Variants in SNX29 observed in about 807,000 individuals in gnomAD.
SNX29 encodes sorting nexin 29, also known as sorting nexin-29.
A neutral mutation model predicts 102.1 loss-of-function variants in SNX29; 78 were observed. The ratio of observed to expected loss-of-function variants is 0.76; its 90% CI spans 0.64 to 0.92. SNX29 has a LOEUF of 0.92. Among genes scored for constraint, SNX29 ranks in the 40% least tolerant of loss-of-function variants. The pLI, the probability that SNX29 is intolerant of heterozygous loss-of-function variation, is 0.00. For synonymous variants in SNX29, 580 were observed against 414.5 expected (o/e 1.40, Z -4.85); for missense variants, 1,280 against 1,061.7 (o/e 1.21, Z -2.86).
At chr16:12,335,250 G>C (rs1263164007) in intron 15 of SNX29, among the ~76,000 whole-genome samples, 1 of 151,996 alleles carries the variant, frequency 6.6e-6, no homozygotes, top group African/African-American at 2.4e-5. Flanking sequence ...AGGGAGGTAG[G>C]GGGAGGAGTC....
chr16:12,412,413 GAA>G (rs1425821838), intron 18 of SNX29, among the ~76,000 whole-genome samples: 1 of 152,188 alleles, frequency 6.6e-6, no homozygotes, highest in African/African-American at 2.4e-5. Context: ...CATGTTTCCT[GAA>G]AGGAATTCTG....
intron 19 of SNX29, among the ~76,000 whole-genome samples, chr16:12,514,361 C>T (rs536824063): frequency 1.3e-5 from 2 of 152,264 alleles, no homozygotes; most frequent in Admixed American, 6.5e-5. Flanking sequence ...TGTGGTCCCC[C>T]TAAGCTACTG....
chr16:12,558,160 T>A (rs1053189299), intron 20 of SNX29, among the ~76,000 whole-genome samples: 1 of 152,156 alleles, frequency 6.6e-6, no homozygotes, highest in Non-Finnish European at 1.5e-5. Flanking sequence ...CTTAGCAAGT[T>A]AGGCGTAATG....
At chr16:12,153,960 G>A (rs12597440) in intron 13 of SNX29, among the ~76,000 whole-genome samples, 28,000 of 152,146 alleles carry the variant, frequency 0.18, 2,956 homozygotes, top group Non-Finnish European at 0.24. Flanking sequence ...TTATGGAGAC[G>A]GTGTCCTCCC....
chr16:12,564,738 C>A (rs562090344), intron 20 of SNX29, among the ~76,000 whole-genome samples: 1 of 152,038 alleles, frequency 6.6e-6, no homozygotes, highest in East Asian at 1.9e-4. Flanking sequence ...GCAGTTGTGC[C>A]TAACAACTGT....
chr16:12,221,834 T>C (rs2077486618), intron 14 of SNX29, among the ~76,000 whole-genome samples: 1 of 152,168 alleles, frequency 6.6e-6, no homozygotes, highest in Non-Finnish European at 1.5e-5. Context: ...CAACTGCCTC[T>C]TCCCCGCATG....
chr16:12,336,831 A>C (rs1280398761), intron 15 of SNX29, among the ~76,000 whole-genome samples: 1 of 152,236 alleles, frequency 6.6e-6, no homozygotes, highest in Non-Finnish European at 1.5e-5. Context: ...CTGTAATCCC[A>C]GCTACGCAGA....
intron 3 of SNX29, among the ~76,000 whole-genome samples, chr16:12,013,500 A>AAAAAAAAAAAATATATAT: frequency 1.6e-4 from 5 of 31,624 alleles, no homozygotes; most frequent in African/African-American, 2.0e-4. Flanking sequence ...AAAAAAAAAA[A>AAAAAAAAAAAATATATAT]ATATATATAT....
chr16:12,378,214 G>C (rs2082946925), intron 16 of SNX29, among the ~76,000 whole-genome samples: 1 of 152,150 alleles, frequency 6.6e-6, no homozygotes, highest in African/African-American at 2.4e-5. Flanking sequence ...GTTCAAGATT[G>C]GGTATCTGCA....
chr16:12,021,774 C>T (rs748469092), intron 3 of SNX29, among the ~76,000 whole-genome samples: 1 of 151,918 alleles, frequency 6.6e-6, no homozygotes, highest in African/African-American at 2.4e-5. Flanking sequence ...TGGCTGTAAT[C>T]CCAGCTACTC....
intron 13 of SNX29, among the ~76,000 whole-genome samples, chr16:12,139,837 G>A (rs186413274): frequency 1.3e-5 from 2 of 151,752 alleles, no homozygotes; most frequent in African/African-American, 2.4e-5. Flanking sequence ...AAAAATTAGC[G>A]GTGCGTGGTG....
chr16:12,174,000 G>T (rs547235214), intron 13 of SNX29, among the ~76,000 whole-genome samples: 1 of 152,172 alleles, frequency 6.6e-6, no homozygotes, highest in Non-Finnish European at 1.5e-5. Flanking sequence ...GGCTGGTTTC[G>T]AAATCTTGAC....
chr16:12,183,434 TCA>T (rs1172455130), intron 13 of SNX29, among the ~76,000 whole-genome samples: 1 of 152,150 alleles, frequency 6.6e-6, no homozygotes, highest in Non-Finnish European at 1.5e-5. Context: ...TGCATATTTC[TCA>T]GTGTTTTTCT....
At chr16:12,252,528 G>A (rs990908637) in intron 14 of SNX29, among the ~76,000 whole-genome samples, 1 of 152,224 alleles carries the variant, frequency 6.6e-6, no homozygotes, top group Non-Finnish European at 1.5e-5. Flanking sequence ...CGTAGGAAGT[G>A]CTTGCTGAAA....
intron 15 of SNX29, among the ~76,000 whole-genome samples, chr16:12,326,942 G>C (rs1020203010): frequency 6.6e-6 from 1 of 152,182 alleles, no homozygotes; most frequent in Non-Finnish European, 1.5e-5. Flanking sequence ...TAGGAATGGG[G>C]GCAGCTGCTG....
intron 15 of SNX29, among the ~76,000 whole-genome samples, chr16:12,336,637 A>G (rs1488494623): frequency 1.3e-5 from 2 of 152,324 alleles, no homozygotes; most frequent in East Asian, 3.9e-4. Flanking sequence ...TAGAGATGGA[A>G]CATCAAGGTA....
intron 13 of SNX29, among the ~76,000 whole-genome samples, chr16:12,183,651 G>C (rs372756571): frequency 6.6e-6 from 1 of 152,294 alleles, no homozygotes; most frequent in East Asian, 1.9e-4. Flanking sequence ...ATTTGAACCA[G>C]AACAACTCCA....
chr16:12,291,642 A>G (rs896916453), intron 15 of SNX29, among the ~76,000 whole-genome samples: 7 of 152,198 alleles, frequency 4.6e-5, no homozygotes, highest in African/African-American at 1.4e-4. Flanking sequence ...ATTCTTGTCA[A>G]AAACCTTATG....
At chr16:12,538,037 C>G (rs979817001) in intron 20 of SNX29, among the ~76,000 whole-genome samples, 7 of 151,850 alleles carry the variant, frequency 4.6e-5, no homozygotes, top group African/African-American at 1.7e-4. Flanking sequence ...ATCGTCCTGT[C>G]CTGCTAAAGT....
Sources: gnomAD v4.1 joint callset for allele counts (sites outside exome capture counted in the v4.1 genomes callset) on GRCh38, gnomAD v4.1.1 for gene constraint, MANE v1.5 for transcripts, NCBI Gene and HGNC (gene_info 2026-07-23, HGNC 2026-07-21) for gene names.